Variants in VPS13C observed in about 807,000 individuals in gnomAD.
VPS13C encodes the protein intermembrane lipid transfer protein VPS13C.
A neutral mutation model predicts 456.8 loss-of-function variants in VPS13C; 358 were observed. The observed-to-expected ratio is 0.78, with a 90% CI of 0.72 to 0.86. VPS13C has a LOEUF of 0.86. VPS13C is among the 40% of genes least tolerant of loss of function. VPS13C has a pLI of 0.00. For synonymous variants in VPS13C, 1,578 were observed against 1,486.7 expected (o/e 1.06, Z -1.41); for missense variants, 4,818 against 4,385.4 (o/e 1.10, Z -2.79).
At chr15:61,949,730 T>A in intron 41 of VPS13C, 125 bp from the exon 42 acceptor site, 1 of 848,134 alleles carries the variant, frequency 1.2e-6, no homozygotes, top group Non-Finnish European at 1.7e-6. Flanking sequence ...TTTATTTTTT[T>A]AAGAACTCAC....
chr15:62,035,043 G>A lies in VPS13C; in HGVS notation c.197C>T (p.Thr66Ile). 1 of 1,603,808 alleles carries A rather than the reference G, an allele frequency of 6.2e-7. No individual in the cohort carries two copies. The highest frequency in any genetic ancestry group is 8.5e-7 in the Non-Finnish European group (1 of 1,173,692). Residue 66 changes from threonine to isoleucine, a missense_variant, in exon 4 of 85, where the codon ACT becomes ATT. By Grantham distance (89) the Thr-to-Ile change is moderately conservative. This residue lies in a region of VPS13C where 4,552 missense variants were observed against 4,130.6 expected (regional missense o/e 1.10). Transcript: ENST00000644861. Reference sequence around the variant, plus strand: ...AAGGTTCTTCCAAGGAATCTTCAAAGTTAATTTATCTAAGGAAACATAATT... The same window carrying A: ...AAGGTTCTTCCAAGGAATCTTCAAAATTAATTTATCTAAGGAAACATAATT... The part of the protein sequence containing the change: ...KVKAGQIDKL[T>I]LKIPWKNLYG...
At chr15:61,950,545 G>A (rs72749709) in intron 40 of VPS13C, 128 bp from the exon 41 acceptor site, 16,499 of 615,638 alleles carry the variant, frequency 0.027, 278 homozygotes, top group Middle Eastern at 0.034. Context: ...TAAAGGCAAA[G>A]AAAGCCATTC....
chr15:61,954,772 A>G (rs1027514988), intron 37 of VPS13C, among the ~76,000 whole-genome samples: 19 of 152,196 alleles, frequency 1.2e-4, no homozygotes, highest in Non-Finnish European at 2.5e-4. Flanking sequence ...CATTAAGTGA[A>G]CAAATGTTAA....
In VPS13C at chr15:61,856,541, A is replaced by G. The variant is rs182747682; in HGVS notation, c.10953-132T>C. On this transcript the variant is annotated intron_variant, in intron 82 of 84. Coordinates refer to ENST00000644861, the MANE Select transcript of VPS13C (RefSeq NM_020821.3). ...AATATAAACTGGCACTAAAAAAAAA[A>G]CCTGCTTCATTTTTTTTAAGTCTAG... 170 of 824,716 alleles carry G rather than the reference A, an allele frequency of 2.1e-4. 1 individual carries two copies. The highest frequency in any genetic ancestry group is 1.6e-3 in the Middle Eastern group (6 of 3,826). 51.1% of individuals were successfully genotyped at this position (824,716 alleles called of 1,614,324 possible).
chr15:61,878,072 TAGAA>T (rs1199274854), intron 74 of VPS13C, among the ~76,000 whole-genome samples: 7 of 152,084 alleles, frequency 4.6e-5, no homozygotes, highest in Middle Eastern at 3.4e-3. Context: ...CTTTTAAACT[TAGAA>T]AGACCTCCTC....
intron 55 of VPS13C, among the ~76,000 whole-genome samples, chr15:61,921,560 T>C (rs1209086008): frequency 6.6e-6 from 1 of 151,918 alleles, no homozygotes; most frequent in African/African-American, 2.4e-5. Context: ...TGAAAAAAAA[T>C]TAAAAATTCA....
In VPS13C at chr15:61,931,090, C is replaced by T. The variant is rs1486712680; in HGVS notation, c.6038G>A (p.Arg2013Lys). The T allele has an allele frequency of 6.2e-7, 1 of 1,613,790 alleles. No homozygotes were observed. Among genetic ancestry groups the T allele is most frequent in the Non-Finnish European group, 8.5e-7 (1 of 1,180,004 alleles). ...LREGIERATS[R>K]MIDRKNDQDN... ...TATTGCAAACTCAGAGCTGACAAACCTCGATGTTGCTCTCTCAATTCCTTC... is the reference window on the plus strand; with the variant it reads ...TATTGCAAACTCAGAGCTGACAAACTTCGATGTTGCTCTCTCAATTCCTTC... The change falls in exon 50 of 85, where the codon AGA becomes AAA. Residue 2013 changes from arginine to lysine, a missense_variant and splice_region_variant. By Grantham distance (26) the Arg-to-Lys change is conservative. Around this residue, in one of 3 missense-constraint regions of VPS13C, gnomAD observed 4,552 missense variants for 4,130.6 expected, o/e 1.10. Transcript: ENST00000644861.
chr15:62,040,133 C>T (rs1236023058), intron 3 of VPS13C, among the ~76,000 whole-genome samples: 1 of 152,102 alleles, frequency 6.6e-6, no homozygotes, highest in East Asian at 1.9e-4. Context: ...CACATGTTCT[C>T]ACTTACTTGT....
rs191017331 is a variant in VPS13C, at chr15:61,919,828, T to C, written c.7477+239A>G. On this transcript the variant is annotated intron_variant, in intron 57 of 84. Transcript: ENST00000644861. ...ATTATATATATAATATTTATATATA[T>C]TATATAATATATACATTATTTAAGG... 4.8e-3 allele frequency among the ~76,000 whole-genome samples: 712 copies of C among 147,696 alleles called. 11 individuals are homozygous for C. Among genetic ancestry groups the C allele is most frequent in the East Asian group, 0.018 (94 of 5,130 alleles).
intron 16 of VPS13C, among the ~76,000 whole-genome samples, chr15:61,992,919 T>C (rs1187303363): frequency 6.6e-6 from 1 of 152,054 alleles, no homozygotes; most frequent in African/African-American, 2.4e-5. Flanking sequence ...CAGCCAAGGT[T>C]CAGAACCACT....
At chr15:61,982,840 A>G (rs777145663) in intron 20 of VPS13C, among the ~76,000 whole-genome samples, 5 of 152,210 alleles carry the variant, frequency 3.3e-5, no homozygotes, top group Non-Finnish European at 7.3e-5. Flanking sequence ...AGCAGCAGAC[A>G]TTACTTCTAG....
At chr15:61,890,095 C>G (rs2042604373) in intron 67 of VPS13C, 70 bp downstream of exon 67, 1 of 1,433,664 alleles carries the variant, frequency 7.0e-7, no homozygotes, top group Admixed American at 1.9e-5. Context: ...TTTTTACTTT[C>G]TTCAAATCGG....
At position 61,934,230 on chromosome 15, in the gene VPS13C, C is replaced by T; in HGVS notation, c.5857G>A (p.Asp1953Asn). 6.3e-7 allele frequency: 1 copy of T among 1,576,600 alleles called. No individual in the cohort carries two copies. Among genetic ancestry groups the T allele is most frequent in the Non-Finnish European group, 8.6e-7 (1 of 1,158,710 alleles). ...ESLSIILYNN[D>N]INQESGVAFH... ...AATGTATTACATACCTGGTTGATATCATTGTTATAAAGGATAATGGAAAGA... is the reference window on the plus strand; with the variant it reads ...AATGTATTACATACCTGGTTGATATTATTGTTATAAAGGATAATGGAAAGA... Residue 1953 changes from aspartate (D) to asparagine (N), a missense_variant, in exon 49 of 85, where the codon GAT (aspartate) becomes AAT (asparagine). Asp to Asn is a conservative substitution (Grantham distance 23, BLOSUM62 1). Transcript: ENST00000644861.
intron 47 of VPS13C, among the ~76,000 whole-genome samples, chr15:61,940,208 C>T (rs183944626): frequency 3.3e-5 from 5 of 152,124 alleles, no homozygotes; most frequent in Non-Finnish European, 7.4e-5. Context: ...TACTAAGGTG[C>T]TTTGAATGTA....
intron 24 of VPS13C, 121 bp from the exon 25 acceptor site, chr15:61,974,538 C>A: frequency 1.0e-6 from 1 of 970,774 alleles, no homozygotes; most frequent in Non-Finnish European, 1.5e-6. Context: ...AATCTAATTA[C>A]ACTAATGCCT....
intron 1 of VPS13C, among the ~76,000 whole-genome samples, chr15:62,052,144 T>C (rs563839810): frequency 1.4e-4 from 22 of 152,248 alleles, no homozygotes; most frequent in African/African-American, 5.3e-4. Context: ...CAAACAAAAA[T>C]GCCATGCCAT....
At chr15:61,993,549 G>A (rs916324385) in intron 16 of VPS13C, among the ~76,000 whole-genome samples, 15 of 152,068 alleles carry the variant, frequency 9.9e-5, no homozygotes, top group Middle Eastern at 3.4e-3. Context: ...TAGCATTAGC[G>A]TTGAAATCTT....
chr15:61,874,121 T>G (rs1017665705), intron 77 of VPS13C, among the ~76,000 whole-genome samples: 1 of 151,980 alleles, frequency 6.6e-6, no homozygotes, highest in African/African-American at 2.4e-5. Context: ...ATCTGACAGC[T>G]AAAGAAGTTG....
intron 29 of VPS13C, among the ~76,000 whole-genome samples, chr15:61,966,826 T>C (rs1036661450): frequency 6.6e-6 from 1 of 151,976 alleles, no homozygotes; most frequent in African/African-American, 2.4e-5. Context: ...GGAATGTTTT[T>C]CATTTCTGTA....
Sources: allele counts gnomAD v4.1 joint callset (sites outside exome capture counted in the v4.1 genomes callset), GRCh38; gene constraint gnomAD v4.1.1; regional missense constraint gnomAD v4.1.1; transcripts MANE v1.5; gene names NCBI Gene and HGNC (gene_info 2026-07-23, HGNC 2026-07-21).